Variants in PRH1 observed in about 807,000 individuals in gnomAD.
The protein encoded by PRH1 is proline rich protein HaeIII subfamily 1, also known as salivary acidic proline-rich phosphoprotein 1/2.
In PRH1, 7 loss-of-function variants were observed where a neutral mutation model predicts 7.9. The ratio of observed to expected loss-of-function variants is 0.89; its 90% CI spans 0.50 to 1.67. The LOEUF is 1.67. Among genes scored for constraint, PRH1 ranks in the 40% most tolerant of loss-of-function variants. The probability of loss-of-function intolerance (pLI) is 0.00; values close to 1 mark genes in which losing one functional copy is unlikely to be tolerated. For missense variants in PRH1, 109 were observed against 223.6 expected, an observed-to-expected ratio of 0.49 and a Z score of 3.27; for synonymous variants, 45 against 80.8, an observed-to-expected ratio of 0.56 and a Z score of 2.38.
intron 1 of PRH1, among the ~76,000 whole-genome samples, chr12:11,129,140 C>T (rs1378739294): frequency 6.6e-6 from 1 of 152,248 alleles, no homozygotes; most frequent in Non-Finnish European, 1.5e-5. Flanking sequence ...ACAGGGAACT[C>T]CTGCTCTCAA....
intron 2 of PRH1, among the ~76,000 whole-genome samples, chr12:10,907,274 C>T (rs540825394): frequency 1.4e-4 from 21 of 152,100 alleles, no homozygotes; most frequent in African/African-American, 4.8e-4. Flanking sequence ...ATTGTATATC[C>T]AGAAGAAGAG....
At position 11,103,714 on chromosome 12, in the gene PRH1, A is replaced by T. The variant is rs183024506; in HGVS notation, n.124-56526T>A. 6.3e-3 allele frequency among the ~76,000 whole-genome samples: 955 copies of T among 151,962 alleles called. 9 individuals are homozygous for T. Among genetic ancestry groups the T allele is most frequent in the African/African-American group, 0.021 (891 of 41,462 alleles). On this transcript the variant is annotated intron_variant and non_coding_transcript_variant, in intron 1 of 4. Transcript: ENST00000541977. ...AAAATAAATAAATAAATAAAATATAAAAAAAATGAACAAAATCTCGTGTTA... is the reference window on the plus strand; with the variant it reads ...AAAATAAATAAATAAATAAAATATATAAAAAATGAACAAAATCTCGTGTTA...
intron 2 of PRH1, among the ~76,000 whole-genome samples, chr12:10,929,671 T>G (rs943922010): frequency 6.6e-6 from 1 of 152,106 alleles, no homozygotes; most frequent in Non-Finnish European, 1.5e-5. Flanking sequence ...CTGATCCCAG[T>G]AGACAGGGAT....
In PRH1 at chr12:11,053,747, G is replaced by A. The variant is rs532375104; in HGVS notation, n.124-6559C>T. Among the ~76,000 whole-genome samples the A allele has an allele frequency of 2.0e-4, 31 of 152,336 alleles. No individual in the cohort carries two copies. In the South Asian group the frequency reaches 5.8e-3, roughly 28 times the overall value. On this transcript the variant is annotated intron_variant and non_coding_transcript_variant, in intron 1 of 4. Coordinates refer to the PRH1 transcript ENST00000541977. ...GAATGTTACTAAATAATTGTGATTC[G>A]AGTCTTCTTTTCAAAGCACTAGAGT... is the stretch of plus-strand genomic sequence containing the variant.
At chr12:11,059,508 A>G (rs1192643606) in intron 1 of PRH1, among the ~76,000 whole-genome samples, 1 of 152,250 alleles carries the variant, frequency 6.6e-6, no homozygotes, top group African/African-American at 2.4e-5. Flanking sequence ...AATAATAATC[A>G]ACTAGAAAAT....
chr12:10,890,771 G>A (rs546761079), intron 2 of PRH1, among the ~76,000 whole-genome samples: 19 of 151,780 alleles, frequency 1.3e-4, no homozygotes, highest in African/African-American at 4.6e-4. Flanking sequence ...TAGTCATTTG[G>A]GTGGCTGAGG....
At chr12:11,042,449 T>A in intron 1 of PRH1, among the ~76,000 whole-genome samples, 2 of 109,476 alleles carry the variant, frequency 1.8e-5, no homozygotes, top group South Asian at 2.6e-4. Flanking sequence ...CAAAAACAGG[T>A]AATGAGATAA....
At chr12:11,017,646 G>T (rs1307356154) in intron 1 of PRH1, among the ~76,000 whole-genome samples, 2 of 151,930 alleles carry the variant, frequency 1.3e-5, no homozygotes, top group African/African-American at 4.8e-5. Flanking sequence ...CACCATGCCT[G>T]GCTAAATTTT....
At chr12:10,934,931 T>C (rs995317714) in intron 2 of PRH1, among the ~76,000 whole-genome samples, 1 of 152,188 alleles carries the variant, frequency 6.6e-6, no homozygotes, top group Non-Finnish European at 1.5e-5. Flanking sequence ...ATTCAATGGA[T>C]AGAAGTATAA....
intron 1 of PRH1, among the ~76,000 whole-genome samples, chr12:11,101,786 T>G (rs1423975912): frequency 6.6e-6 from 1 of 152,222 alleles, no homozygotes; most frequent in African/African-American, 2.4e-5. Flanking sequence ...ATTGTATATT[T>G]AGAAAACCTA....
At chr12:10,963,050 G>A (rs768651683) in intron 2 of PRH1, among the ~76,000 whole-genome samples, 4 of 152,174 alleles carry the variant, frequency 2.6e-5, no homozygotes, top group Non-Finnish European at 5.9e-5. Context: ...GATTATAGGC[G>A]TGAGCCACCG....
At chr12:11,102,366 C>A (rs945197509) in intron 1 of PRH1, among the ~76,000 whole-genome samples, 13 of 152,192 alleles carry the variant, frequency 8.5e-5, no homozygotes, top group Non-Finnish European at 1.6e-4. Context: ...TGGAACAGAA[C>A]AGAGCCCTCA....
chr12:11,048,603 A>G, upstream of PRH1: 1 of 609,724 alleles, frequency 1.6e-6, no homozygotes, highest in Non-Finnish European at 3.0e-6. Flanking sequence ...TGGTGCTGAG[A>G]TGTTGAGATC....
chr12:10,939,895 TATC>T (rs1228431469), intron 2 of PRH1, among the ~76,000 whole-genome samples: 2 of 152,234 alleles, frequency 1.3e-5, no homozygotes, highest in Non-Finnish European at 2.9e-5. Flanking sequence ...TTATATTTAT[TATC>T]ATTTGAATAC....
At chr12:11,124,010 T>C (rs1252139014) in intron 1 of PRH1, among the ~76,000 whole-genome samples, 1 of 103,708 alleles carries the variant, frequency 9.6e-6, no homozygotes, top group African/African-American at 2.9e-5. Flanking sequence ...TGGTAACAAA[T>C]TCCTTCTTTT....
intron 2 of PRH1, among the ~76,000 whole-genome samples, chr12:10,949,332 T>C (rs76982756): frequency 6.6e-6 from 1 of 152,204 alleles, no homozygotes; most frequent in African/African-American, 2.4e-5. Context: ...GTTGGAGGTA[T>C]GGATAAGGCA....
At chr12:11,152,372 T>C (rs1209126034) in intron 1 of PRH1, among the ~76,000 whole-genome samples, 1 of 151,978 alleles carries the variant, frequency 6.6e-6, no homozygotes, top group Non-Finnish European at 1.5e-5. Context: ...ATTTTTGACA[T>C]ATGCAAGAGT....
chr12:11,022,262 T>C (rs1203431469), intron 1 of PRH1: 2 of 1,614,076 alleles, frequency 1.2e-6, no homozygotes, highest in Non-Finnish European at 1.7e-6. Flanking sequence ...AAACAAAATA[T>C]GCTGAGGCTA....
chr12:11,037,303 G>GCAGT (rs1243729414), intron 1 of PRH1, among the ~76,000 whole-genome samples: 1 of 152,110 alleles, frequency 6.6e-6, no homozygotes, highest in Non-Finnish European at 1.5e-5. Context: ...TTTTACTATA[G>GCAGT]CAGTCAAAGT....
Sources: allele counts gnomAD v4.1 joint callset (sites outside exome capture counted in the v4.1 genomes callset), GRCh38; gene constraint gnomAD v4.1.1; transcripts MANE v1.5; gene names NCBI Gene and HGNC (gene_info 2026-07-23, HGNC 2026-07-21).